TEX11: variants seen among roughly 807,000 people sequenced by gnomAD.
TEX11 encodes testis-expressed protein 11.
In TEX11, 7 loss-of-function variants were observed where a neutral mutation model predicts 84.4. That is an observed-to-expected ratio of 0.08 (90% confidence interval 0.05 to 0.16). The LOEUF is 0.16. TEX11 is among the 10% of genes least tolerant of loss of function. The pLI is 1.00. For missense variants in TEX11, 551 were observed against 660.5 expected (o/e 0.83, Z 1.82); for synonymous variants, 264 against 222.8 (o/e 1.18, Z -1.64).
chrX:70,661,098 A>G (rs1382511366), intron 16 of TEX11, among the ~76,000 whole-genome samples: 1 of 112,069 alleles, frequency 8.9e-6, no homozygotes, highest in East Asian at 2.8e-4. Context: ...CGGGAAGTGC[A>G]AGGGGGTCAG....
chrX:70,729,387 CG>C (rs1404389402), intron 11 of TEX11, among the ~76,000 whole-genome samples: 1 of 111,155 alleles, frequency 9.0e-6, no homozygotes, highest in Non-Finnish European at 1.9e-5. Context: ...TTCGAACCCA[CG>C]GCAAAGAAGT....
rs755754559 is a variant in TEX11, at chrX:70,842,385, T to G, written c.526-8792A>C. Among the ~76,000 whole-genome samples, 3 of 111,295 alleles carry G rather than the reference T, an allele frequency of 2.7e-5. No individual in the cohort carries two copies. The South Asian group carries it at 1.1e-3, about 42-fold the overall frequency. ...AACAGAACCAAAGACAAAAACCACA[T>G]GATTATCTCAATAGATGCAGAAAAG... On this transcript the variant is annotated intron_variant, in intron 7 of 29. Transcript: ENST00000374333.
intron 5 of TEX11, among the ~76,000 whole-genome samples, chrX:70,853,892 T>G (rs2147853158): frequency 8.9e-6 from 1 of 111,955 alleles, no homozygotes. Flanking sequence ...GAAAGGTATC[T>G]TCCTCCCTCC....
chrX:70,861,060 CCT>C, intron 4 of TEX11, 124 bp from the exon 5 acceptor site: 1 of 330,410 alleles, frequency 3.0e-6, no homozygotes, highest in Non-Finnish European at 4.9e-6. Flanking sequence ...ATTGTAAAGG[CCT>C]TTTTTTTTTT....
At chrX:70,567,488 T>G (rs2088507020) in intron 25 of TEX11, among the ~76,000 whole-genome samples, 1 of 111,245 alleles carries the variant, frequency 9.0e-6, no homozygotes, top group Non-Finnish European at 1.9e-5. Flanking sequence ...TTCTTTTAAT[T>G]GTGATGTTAG....
intron 20 of TEX11, among the ~76,000 whole-genome samples, chrX:70,621,769 T>G (rs1341982495): frequency 1.9e-5 from 2 of 105,328 alleles, no homozygotes; most frequent in Non-Finnish European, 3.9e-5. Context: ...AAGCAGCAGA[T>G]TTTTCAGGGA....
chrX:70,851,896 A>C (rs192797383), intron 7 of TEX11, among the ~76,000 whole-genome samples: 1 of 111,990 alleles, frequency 8.9e-6, no homozygotes, highest in African/African-American at 3.2e-5. Context: ...TTATTGCATG[A>C]TTATATTAAT....
chrX:70,767,226 G>T (rs1222963585), intron 9 of TEX11, among the ~76,000 whole-genome samples: 1 of 111,365 alleles, frequency 9.0e-6, no homozygotes, highest in Non-Finnish European at 1.9e-5. Context: ...TCTAATAAGG[G>T]GTTAATGAGC....
At chrX:70,602,589 A>T (rs1224576359) in intron 24 of TEX11, among the ~76,000 whole-genome samples, 5 of 107,627 alleles carry the variant, frequency 4.6e-5, no homozygotes, top group East Asian at 2.9e-4. Flanking sequence ...ACCCACAGCC[A>T]ATATCATACT....
At chrX:70,893,316 G>A (rs2091749117) in intron 2 of TEX11, among the ~76,000 whole-genome samples, 1 of 111,501 alleles carries the variant, frequency 9.0e-6, no homozygotes, top group Non-Finnish European at 1.9e-5. Context: ...ATACTCCTCA[G>A]CAAATGCAAA....
chrX:70,553,475 C>G, intron 26 of TEX11, 61 bp from the exon 27 acceptor site: 1 of 761,664 alleles, frequency 1.3e-6, no homozygotes, highest in Non-Finnish European at 1.9e-6. Flanking sequence ...CAGTTTTCAT[C>G]CCAGGCTACC....
At chrX:70,644,131 C>T (rs1197459744) in intron 17 of TEX11, among the ~76,000 whole-genome samples, 1 of 102,035 alleles carries the variant, frequency 9.8e-6, no homozygotes, top group African/African-American at 3.6e-5. Flanking sequence ...AGACACTTCT[C>T]AAAAGAAGAC....
intron 9 of TEX11, among the ~76,000 whole-genome samples, chrX:70,783,268 T>C (rs781032335): frequency 1.2e-4 from 13 of 111,589 alleles, no homozygotes; most frequent in Non-Finnish European, 2.3e-4. Flanking sequence ...ATTAAAGATG[T>C]TTTTTGAAGC....
intron 20 of TEX11, among the ~76,000 whole-genome samples, chrX:70,610,795 G>C (rs2089251928): frequency 1.8e-5 from 2 of 111,833 alleles, no homozygotes; most frequent in Admixed American, 9.5e-5. Context: ...GGATTTCAAT[G>C]ACAAGGTTTT....
intron 16 of TEX11, among the ~76,000 whole-genome samples, chrX:70,664,765 G>C (rs1309409269): frequency 2.3e-5 from 2 of 85,421 alleles, no homozygotes; most frequent in African/African-American, 8.7e-5. Context: ...AGTCACAGCT[G>C]ACCTTCATCT....
Position 70,833,470 on chromosome X carries a change from A to G in TEX11, c.606+43T>C, listed in dbSNP as rs750424919. ...GTAATGATTCTTCCTGGAACTTGAT[A>G]TAGCATATTTTCAAACTCTTGGAGA... On this transcript the variant is annotated intron_variant, in intron 8 of 29. Coordinates refer to ENST00000374333, the MANE Select transcript of TEX11 (RefSeq NM_031276.3). 5 of 1,059,947 alleles carry G rather than the reference A, an allele frequency of 4.7e-6. No individual in the cohort carries two copies. In the Admixed American group the frequency reaches 1.1e-4, roughly 24 times the overall value. The allele number at this position is 1,059,947 out of a possible 1,213,427, so 87.4% of individuals were successfully genotyped here. A position where few individuals can be genotyped will look rare whatever the true frequency, so the allele number is the denominator to read the frequency against.
chrX:70,676,608 G>C (rs753333309), intron 15 of TEX11, among the ~76,000 whole-genome samples: 22 of 111,413 alleles, frequency 2.0e-4, no homozygotes, highest in Non-Finnish European at 4.0e-4. Context: ...GGTTTGTTAA[G>C]ATTTTTCTAT....
chrX:70,786,363 T>C (rs1041939825), intron 9 of TEX11, among the ~76,000 whole-genome samples: 2 of 111,417 alleles, frequency 1.8e-5, no homozygotes, highest in Admixed American at 9.5e-5. Flanking sequence ...GAGAAATACC[T>C]AATGTAAATG....
intron 25 of TEX11, among the ~76,000 whole-genome samples, chrX:70,566,537 G>A (rs754498616): frequency 1.1e-3 from 123 of 110,870 alleles, no homozygotes; most frequent in African/African-American, 3.7e-3. Context: ...ATTGGCTGTG[G>A]GTTTGTCATA....
Sources: allele counts gnomAD v4.1 joint callset (sites outside exome capture counted in the v4.1 genomes callset), GRCh38; gene constraint gnomAD v4.1.1; transcripts MANE v1.5; gene names NCBI Gene and HGNC (gene_info 2026-07-23, HGNC 2026-07-21).